The following SPATA6 variants were observed in gnomAD, a reference collection of about 807,000 sequenced individuals.
The protein encoded by SPATA6 is spermatogenesis-associated protein 6.
A neutral mutation model predicts 65.3 loss-of-function variants in SPATA6; 56 were observed. The ratio of observed to expected loss-of-function variants is 0.86; its 90% CI spans 0.69 to 1.07. The LOEUF is 1.07. Ranked by LOEUF, SPATA6 falls within the 50% of genes least tolerant of loss-of-function variation. The pLI is 0.00. For missense variants in SPATA6, 590 were observed against 594.8 expected, an observed-to-expected ratio of 0.99 and a Z score of 0.08; for synonymous variants, 199 against 213.2, an observed-to-expected ratio of 0.93 and a Z score of 0.58.
chr1:48,371,253 C>T (rs1448772389), intron 9 of SPATA6, among the ~76,000 whole-genome samples: 2 of 147,664 alleles, frequency 1.4e-5, no homozygotes, highest in Non-Finnish European at 3.0e-5. Flanking sequence ...AATATCCATT[C>T]ATTGAATATG....
Position 48,305,206 on chromosome 1 carries a change from T to C in SPATA6, c.1286+581A>G, listed in dbSNP as rs537882676. 1.8e-3 allele frequency among the ~76,000 whole-genome samples: 267 copies of C among 152,332 alleles called. 1 individual carries two copies. The highest frequency in any genetic ancestry group is 2.7e-3 in the Non-Finnish European group (186 of 68,032). ...CCATTCTTTGGAGCTTTGTTTCTTA[T>C]GTTTGTTCCTCAGGAATCTCAGGAA... On this transcript the variant is annotated intron_variant, in intron 12 of 12. Coordinates refer to ENST00000371847, the MANE Select transcript of SPATA6 (RefSeq NM_019073.4).
intron 9 of SPATA6, among the ~76,000 whole-genome samples, chr1:48,382,465 TCC>T (rs1260461336): frequency 1.1e-5 from 1 of 93,676 alleles, no homozygotes; most frequent in African/African-American, 4.4e-5. Flanking sequence ...CGGGGGGCTG[TCC>T]CCCCCACCTC....
At chr1:48,465,791 T>C (rs1310351163) in intron 1 of SPATA6, among the ~76,000 whole-genome samples, 1 of 152,044 alleles carries the variant, frequency 6.6e-6, no homozygotes, top group Non-Finnish European at 1.5e-5. Context: ...AAAAGTAAAC[T>C]CTTAGCAGAG....
intron 11 of SPATA6, among the ~76,000 whole-genome samples, chr1:48,334,368 GATGCAAA>G (rs1406735210): frequency 2.6e-5 from 4 of 151,740 alleles, no homozygotes; most frequent in African/African-American, 9.7e-5. Context: ...GATGAACATA[GATGCAAA>G]AATCCTCAAC....
At chr1:48,301,497 A>T (rs1644937070) in intron 12 of SPATA6, among the ~76,000 whole-genome samples, 1 of 152,016 alleles carries the variant, frequency 6.6e-6, no homozygotes, top group South Asian at 2.1e-4. Flanking sequence ...ACACAGCAAT[A>T]ATAATAAAAA....
At chr1:48,363,196 C>T (rs778046872) in intron 9 of SPATA6, among the ~76,000 whole-genome samples, 3 of 152,010 alleles carry the variant, frequency 2.0e-5, no homozygotes, top group East Asian at 1.9e-4. Flanking sequence ...CGAAAGGGTA[C>T]GTCTCTTTGA....
Position 48,369,213 on chromosome 1 carries a change from C to T in SPATA6, c.910-9443G>A, listed in dbSNP as rs370750951. Among the ~76,000 whole-genome samples, 24 of 152,294 alleles carry T rather than the reference C, an allele frequency of 1.6e-4. 1 individual carries two copies. The highest frequency in any genetic ancestry group is 1.5e-3 in the East Asian group (8 of 5,176). ...GTCAGTCTGCCCCTACTGGGAGGTG[C>T]CTCCCAGTTAGGCTGCTCGGGTGTC... On this transcript the variant is annotated intron_variant, in intron 9 of 12. Coordinates refer to ENST00000371847, the MANE Select transcript of SPATA6 (RefSeq NM_019073.4).
At chr1:48,293,416 G>C (rs991266417), downstream of SPATA6, among the ~76,000 whole-genome samples, 1 of 152,078 alleles carries the variant, frequency 6.6e-6, no homozygotes, top group East Asian at 1.9e-4. Flanking sequence ...CTATGCTGCC[G>C]CAGCTTCTTA....
At chr1:48,410,674 A>T (rs1383263295) in intron 5 of SPATA6, among the ~76,000 whole-genome samples, 1 of 152,182 alleles carries the variant, frequency 6.6e-6, no homozygotes, top group East Asian at 1.9e-4. Context: ...GAAGAGGCAA[A>T]TCATCTTACA....
At chr1:48,351,370 A>G (rs1337561965) in intron 11 of SPATA6, among the ~76,000 whole-genome samples, 1 of 151,996 alleles carries the variant, frequency 6.6e-6, no homozygotes, top group Non-Finnish European at 1.5e-5. Context: ...GTATGACGCT[A>G]AAGAAAACAA....
intron 4 of SPATA6, among the ~76,000 whole-genome samples, chr1:48,412,454 A>T (rs1336710324): frequency 6.6e-6 from 1 of 152,256 alleles, no homozygotes; most frequent in Non-Finnish European, 1.5e-5. Flanking sequence ...TAGAATGATA[A>T]GTTAGTTTCC....
At chr1:48,268,333 T>TG in the SPATA6 span, among the ~76,000 whole-genome samples, 4 of 149,228 alleles carry the variant, frequency 2.7e-5, no homozygotes, top group African/African-American at 7.4e-5. Context: ...TGTGTGTGTG[T>TG]TTGTGTGTGT....
At chr1:48,290,417 G>A (rs1317343859), downstream of SPATA6, among the ~76,000 whole-genome samples, 20 of 152,262 alleles carry the variant, frequency 1.3e-4, no homozygotes, top group Admixed American at 1.0e-3. Context: ...AAAGACCATC[G>A]AGGCTAGGAA....
At chr1:48,462,205 GAGC>G in intron 1 of SPATA6, among the ~76,000 whole-genome samples, 6 of 151,354 alleles carry the variant, frequency 4.0e-5, no homozygotes, top group African/African-American at 7.3e-5. Flanking sequence ...GGGGTGGGGG[GAGC>G]GGGGAGGGAT....
At chr1:48,370,878 C>A (rs1333441426) in intron 9 of SPATA6, among the ~76,000 whole-genome samples, 1 of 152,176 alleles carries the variant, frequency 6.6e-6, no homozygotes, top group East Asian at 1.9e-4. Context: ...AAAGGATGGG[C>A]TCACGATATG....
intron 3 of SPATA6, among the ~76,000 whole-genome samples, chr1:48,414,508 G>A (rs866331607): frequency 1.3e-5 from 2 of 152,108 alleles, no homozygotes; most frequent in South Asian, 2.1e-4. Context: ...TTCTATGTGA[G>A]AGAAGGGAAA....
At chr1:48,326,122 A>G (rs1438811751) in intron 11 of SPATA6, 1 of 154,952 alleles carries the variant, frequency 6.5e-6, no homozygotes, top group Non-Finnish European at 1.4e-5. Context: ...GACTGCCACC[A>G]TCTTGCATCT....
At chr1:48,263,537 C>T in the SPATA6 span, among the ~76,000 whole-genome samples, 7 of 152,264 alleles carry the variant, frequency 4.6e-5, no homozygotes, top group African/African-American at 1.7e-4. Context: ...TGTTTCCATA[C>T]CTTTATGCCA....
At chr1:48,315,635 A>G (rs1645389622) in intron 11 of SPATA6, among the ~76,000 whole-genome samples, 1 of 152,224 alleles carries the variant, frequency 6.6e-6, no homozygotes, top group African/African-American at 2.4e-5. Context: ...GGCACAAGAC[A>G]GGGATGCCCT....
Sources: allele counts gnomAD v4.1 joint callset (sites outside exome capture counted in the v4.1 genomes callset), GRCh38; gene constraint gnomAD v4.1.1; transcripts MANE v1.5; gene names NCBI Gene and HGNC (gene_info 2026-07-23, HGNC 2026-07-21).